The following CYTH4 variants were observed in gnomAD, a reference collection of about 807,000 sequenced individuals.
CYTH4 encodes the protein cytohesin 4.
In CYTH4, 22 loss-of-function variants were observed where a neutral mutation model predicts 57.5. The ratio of observed to expected loss-of-function variants is 0.38; its 90% confidence interval spans 0.27 to 0.55. The LOEUF is 0.55. Among genes scored for constraint, CYTH4 ranks in the 20% least tolerant of loss-of-function variants. The probability of loss-of-function intolerance (pLI) is 0.74; values close to 1 mark genes in which losing one functional copy is unlikely to be tolerated. For missense variants in CYTH4, 420 were observed against 535.6 expected, an observed-to-expected ratio of 0.78 and a Z score of 2.13; for synonymous variants, 186 against 206.5, an observed-to-expected ratio of 0.90 and a Z score of 0.85.
chr22:37,291,398 G>A (rs1288205917), intron 1 of CYTH4, among the ~76,000 whole-genome samples: 1 of 152,252 alleles, frequency 6.6e-6, no homozygotes, highest in South Asian at 2.1e-4. Context: ...CATTCCCTCT[G>A]TGTTCTTTTG....
Position 37,299,293 on chromosome 22 carries a change from G to A in CYTH4, c.421G>A (p.Val141Ile), listed in dbSNP as rs768048937. 15 of 1,613,490 alleles carry A rather than the reference G, an allele frequency of 9.3e-6. No homozygotes were observed. The highest frequency in any genetic ancestry group is 6.6e-5 in the South Asian group (6 of 91,072). Residue 141 changes from valine (V) to isoleucine (I), a missense_variant, in exon 6 of 13, where the codon GTC (valine) becomes ATC (isoleucine). Transcript: ENST00000248901. ...DCHEFANLNL[V>I]QALRQFLWSF... Reference sequence around the variant, plus strand: ...CCACGAGTTCGCCAACCTCAACCTCGTCCAGGCCCTCAGGTGAGTAGTCCT... The same window carrying A: ...CCACGAGTTCGCCAACCTCAACCTCATCCAGGCCCTCAGGTGAGTAGTCCT...
intron 12 of CYTH4, 51 bp from the exon 13 acceptor site, chr22:37,313,388 C>A: frequency 6.3e-7 from 1 of 1,576,984 alleles, no homozygotes. Context: ...GGAGAGCAGA[C>A]CACCTTGACG....
At chr22:37,283,635 C>A (rs1050029229) in intron 1 of CYTH4, among the ~76,000 whole-genome samples, 1 of 152,132 alleles carries the variant, frequency 6.6e-6, no homozygotes, top group African/African-American at 2.4e-5. Context: ...ACAGCCCCCC[C>A]AGTGGCAGAA....
intron 8 of CYTH4, among the ~76,000 whole-genome samples, chr22:37,308,710 ATG>A (rs370573409): frequency 6.9e-4 from 100 of 145,950 alleles, no homozygotes; most frequent in East Asian, 1.5e-3. Flanking sequence ...GTGAGCATGC[ATG>A]TGTGTGTGCG....
chr22:37,308,738 G>A (rs769537198), intron 8 of CYTH4, among the ~76,000 whole-genome samples: 4 of 151,334 alleles, frequency 2.6e-5, no homozygotes, highest in Non-Finnish European at 4.4e-5. Flanking sequence ...GTATGAGTAT[G>A]CATGCATGTG....
chr22:37,308,036 G>A (rs1199025183), intron 8 of CYTH4, among the ~76,000 whole-genome samples: 1 of 151,558 alleles, frequency 6.6e-6, no homozygotes, highest in Non-Finnish European at 1.5e-5. Context: ...TCTGCTTTCT[G>A]GGAACTCCCC....
Position 37,311,139 on chromosome 22 carries a change from C to A in CYTH4, c.885+75C>A, listed in dbSNP as rs1176674264. 9.4e-6 allele frequency: 14 copies of A among 1,483,982 alleles called. No individual in the cohort carries two copies. The highest frequency in any genetic ancestry group is 1.4e-5 in the African/African-American group (1 of 72,286). The allele number at this position is 1,483,982 out of a possible 1,614,324, so 91.9% of individuals were successfully genotyped here. On this transcript the variant is annotated intron_variant, in intron 10 of 12. Transcript: ENST00000248901. This position sits in a 1 kb window ranked among gnomAD's most constrained non-coding sequence, Gnocchi z 4.4. The stretch of plus-strand genomic sequence containing the variant: ...AACCCACTTCCCAACTCCCACTGAG[C>A]AGTCGACTCACACAGCTTTGGATCC...
Position 37,309,211 on chromosome 22 carries a change from G to C in CYTH4, c.697-1G>C. 5 of 1,613,982 alleles carry C rather than the reference G, an allele frequency of 3.1e-6. No homozygotes were observed. Among genetic ancestry groups the C allele is most frequent in the Non-Finnish European group, 4.2e-6 (5 of 1,179,870 alleles). ...TCTTTCTCTCCCTTGTCTTGGGGCA[G>C]AACCTCTTCGACAGCATCAAGAGTG... On this transcript the variant is annotated splice_acceptor_variant, in intron 8 of 12. Coordinates refer to ENST00000248901, the MANE Select transcript of CYTH4 (RefSeq NM_013385.5). LOFTEE classifies it high-confidence loss of function.
chr22:37,311,833 A>T lies in CYTH4; in HGVS notation c.958-187A>T, dbSNP rs1156273817. Reference sequence around the variant, plus strand: ...CACATGTCACGTGGGGACTTTAGGGAGGATGGTGGATTCAGGAGCCTGCCA... The same window carrying T: ...CACATGTCACGTGGGGACTTTAGGGTGGATGGTGGATTCAGGAGCCTGCCA... On this transcript the variant is annotated intron_variant, in intron 11 of 12. Transcript: ENST00000248901. This position sits in a 1 kb window ranked among gnomAD's most constrained non-coding sequence, Gnocchi z 4.4. 3.9e-6 allele frequency: 3 copies of T among 778,060 alleles called. No homozygotes were observed. Among genetic ancestry groups the T allele is most frequent in the Non-Finnish European group, 6.0e-6 (3 of 498,320 alleles). The allele number at this position is 778,060 out of a possible 1,614,324, so 48.2% of individuals were successfully genotyped here.
chr22:37,311,941 G>A lies in CYTH4; in HGVS notation c.958-79G>A, dbSNP rs76829506. The A allele has an allele frequency of 0.052, 79,583 of 1,542,590 alleles. 2,491 individuals carry two copies. The highest frequency in any genetic ancestry group is 0.061 in the Non-Finnish European group (68,929 of 1,133,754). ...TGTCACGCTGATCAGGGACACTAGC[G>A]TCTGGGCTTCTCTGAGCCTCCTGGA... On this transcript the variant is annotated intron_variant, in intron 11 of 12. Coordinates refer to ENST00000248901, the MANE Select transcript of CYTH4 (RefSeq NM_013385.5). This position sits in a 1 kb window ranked among gnomAD's most constrained non-coding sequence, Gnocchi z 4.4.
intron 8 of CYTH4, among the ~76,000 whole-genome samples, chr22:37,306,390 A>C (rs1384048872): frequency 6.6e-6 from 1 of 152,204 alleles, no homozygotes; most frequent in African/African-American, 2.4e-5. Flanking sequence ...CACAGTACTA[A>C]GTACTTTACG....
rs1601712813 is a variant in CYTH4, at chr22:37,311,716, C to T, written c.957+189C>T. The T allele has an allele frequency of 1.0e-5, 7 of 678,210 alleles. No individual in the cohort carries two copies. In the East Asian group the frequency reaches 1.6e-4, roughly 16 times the overall value. The allele number at this position is 678,210 out of a possible 1,614,324, so 42.0% of individuals were successfully genotyped here. ...ACAGTGAGAAAAGGTCAATGTGGGT[C>T]CAAGGACGTGGTTGTCCCCTGTTGT... On this transcript the variant is annotated intron_variant, in intron 11 of 12. Transcript: ENST00000248901. The surrounding 1 kb of genome is among the most constrained non-coding windows in gnomAD (Gnocchi z 4.4).
At position 37,314,461 on chromosome 22, in the gene CYTH4, T is replaced by C. The variant is rs1192560498; in HGVS notation, c.*950T>C. ...AAGGGAGAGTTTCGTGCACTGTGGTTAACAGGAGGGCTGCCTGGAGGCAGT... is the reference window on the plus strand; with the variant it reads ...AAGGGAGAGTTTCGTGCACTGTGGTCAACAGGAGGGCTGCCTGGAGGCAGT... On this transcript the variant is annotated 3_prime_UTR_variant, in exon 13 of 13. Transcript: ENST00000248901. 4 of 398,620 alleles carry C rather than the reference T, an allele frequency of 1.0e-5. No individual in the cohort carries two copies. The highest frequency in any genetic ancestry group is 1.8e-5 in the Non-Finnish European group (4 of 226,196). 24.7% of individuals were successfully genotyped at this position (398,620 alleles called of 1,614,324 possible). A position where few individuals can be genotyped will look rare whatever the true frequency, so the allele number is the denominator to read the frequency against.
At position 37,292,347 on chromosome 22, in the gene CYTH4, G is replaced by A. The variant is rs149909299; in HGVS notation, c.20-274G>A. On this transcript the variant is annotated intron_variant, in intron 1 of 12. Transcript: ENST00000248901. ...AGAACAACTGAACTCTCATGGAGCC[G>A]AGAGTCTAGCGGGAGGGACAGAAAA... The A allele has an allele frequency of 9.2e-4, 407 of 444,342 alleles. 3 individuals carry two copies. Among genetic ancestry groups the A allele is most frequent in the South Asian group, 6.1e-3 (164 of 27,060 alleles). The allele number at this position is 444,342 out of a possible 1,614,324, so 27.5% of individuals were successfully genotyped here. A position where few individuals can be genotyped will look rare whatever the true frequency, so the allele number is the denominator to read the frequency against.
Position 37,297,474 on chromosome 22 carries a change from A to T in CYTH4, c.235-90A>T, listed in dbSNP as rs1272442618. ...CAACACCAGAATGCCAGGCTCCAGG[A>T]TTCTGGCCATGGAAGCTCCTTCCTC... On this transcript the variant is annotated intron_variant, in intron 4 of 12. Transcript: ENST00000248901. 2.6e-6 allele frequency: 3 copies of T among 1,165,702 alleles called. No homozygotes were observed. The East Asian group carries it at 7.2e-5, about 28-fold the overall frequency. 72.2% of individuals were successfully genotyped at this position (1,165,702 alleles called of 1,614,324 possible).
At position 37,296,026 on chromosome 22, in the gene CYTH4, G is replaced by A; in HGVS notation, c.195G>A (p.Leu65=). The A allele has an allele frequency of 6.2e-7, 1 of 1,613,448 alleles. No individual in the cohort carries two copies. Among genetic ancestry groups the A allele is most frequent in the Non-Finnish European group, 8.5e-7 (1 of 1,179,658 alleles). ...ESRMAQKEKE[L]CIGRKKFNMD... ...GGATGGCCCAGAAGGAGAAGGAGCTGTGTATTGGGCGCAAGAAGTTCAACA... is the reference window on the plus strand; with the variant it reads ...GGATGGCCCAGAAGGAGAAGGAGCTATGTATTGGGCGCAAGAAGTTCAACA... Residue 65 remains leucine (L), a synonymous_variant, in exon 4 of 13, where the codon CTG becomes CTA. Coordinates refer to ENST00000248901, the MANE Select transcript of CYTH4 (RefSeq NM_013385.5).
intron 8 of CYTH4, among the ~76,000 whole-genome samples, chr22:37,307,069 A>G (rs374039026): frequency 2.0e-5 from 3 of 152,284 alleles, no homozygotes; most frequent in African/African-American, 7.2e-5. Flanking sequence ...GGGTGGAGGG[A>G]CACAGAGCCA....
chr22:37,283,655 G>A lies in CYTH4; in HGVS notation c.19+1067G>A, dbSNP rs191130755. Among the ~76,000 whole-genome samples, 150 of 152,038 alleles carry A rather than the reference G, an allele frequency of 9.9e-4. 1 individual carries two copies. Among genetic ancestry groups the A allele is most frequent in the African/African-American group, 3.6e-3 (148 of 41,478 alleles). ...CCCCCCAGTGGCAGAAGGGAGAAAA[G>A]AGGCCAAGGGAGGAAAACAGCCTCT... On this transcript the variant is annotated intron_variant, in intron 1 of 12. Coordinates refer to ENST00000248901, the MANE Select transcript of CYTH4 (RefSeq NM_013385.5).
chr22:37,309,369 G>A (rs757771054), intron 9 of CYTH4, 46 bp downstream of exon 9: 34 of 1,540,614 alleles, frequency 2.2e-5, no homozygotes, highest in African/African-American at 6.8e-5. Context: ...ACTCATGCAC[G>A]CGCGGGCACA....
Sources: allele counts gnomAD v4.1 joint callset (sites outside exome capture counted in the v4.1 genomes callset), GRCh38; gene constraint gnomAD v4.1.1; non-coding constraint Gnocchi (gnomAD v3.1); transcripts MANE v1.5; gene names NCBI Gene and HGNC (gene_info 2026-07-23, HGNC 2026-07-21).